Variants in TRAM2 observed in about 807,000 individuals in gnomAD.
TRAM2 encodes the protein translocation associated membrane protein 2, also known as translocating chain-associated membrane protein 2.
Under a neutral mutation model 51.0 loss-of-function variants are expected in TRAM2, and 12 were observed. The observed-to-expected ratio is 0.24, with a 90% confidence interval of 0.15 to 0.38. The LOEUF (loss-of-function observed/expected upper bound fraction) is 0.38. Ranked by LOEUF, TRAM2 falls within the 10% of genes least tolerant of loss-of-function variation. The pLI is 1.00. For synonymous variants in TRAM2, 175 were observed against 179.4 expected (o/e 0.98, Z 0.20); for missense variants, 361 against 462.0 (o/e 0.78, Z 2.00).
intron 1 of TRAM2, among the ~76,000 whole-genome samples, chr6:52,542,291 TTTAGCC>T: frequency 6.6e-6 from 1 of 151,756 alleles, no homozygotes; most frequent in African/African-American, 2.4e-5. Flanking sequence ...AAAATAGTCT[TTTAGCC>T]TTTTTTCCTG....
chr6:52,535,971 A>T, intron 1 of TRAM2, 125 bp from the exon 2 acceptor site: 2 of 704,372 alleles, frequency 2.8e-6, no homozygotes, highest in Non-Finnish European at 2.4e-6. Flanking sequence ...GGTTCTGCCT[A>T]ATGCAGAGTT....
intron 1 of TRAM2, among the ~76,000 whole-genome samples, chr6:52,555,709 A>G (rs913023098): frequency 2.0e-5 from 3 of 152,238 alleles, no homozygotes; most frequent in African/African-American, 7.2e-5. Flanking sequence ...ACTGGTAGGC[A>G]TTTAGGACAA....
intron 1 of TRAM2, among the ~76,000 whole-genome samples, chr6:52,564,109 T>G (rs1249214295): frequency 6.6e-6 from 1 of 152,096 alleles, no homozygotes. Flanking sequence ...TGTGTGTGCA[T>G]GGGACCATAC....
chr6:52,507,091 C>T (rs1305180285), intron 7 of TRAM2, among the ~76,000 whole-genome samples: 3 of 152,192 alleles, frequency 2.0e-5, no homozygotes, highest in Non-Finnish European at 4.4e-5. Context: ...CTAGAACAAC[C>T]AAGAGAGACC....
intron 1 of TRAM2, among the ~76,000 whole-genome samples, chr6:52,560,947 G>A (rs1270282267): frequency 1.3e-5 from 2 of 152,160 alleles, no homozygotes; most frequent in Non-Finnish European, 2.9e-5. Context: ...TTGCACACGC[G>A]TGTTCAGAGC....
intron 2 of TRAM2, among the ~76,000 whole-genome samples, chr6:52,534,568 C>T (rs2114085651): frequency 1.3e-5 from 2 of 152,276 alleles, no homozygotes; most frequent in Non-Finnish European, 2.9e-5. Context: ...GAGGGCTGGA[C>T]TCAGCCTTCA....
At chr6:52,557,399 G>GC (rs1767429318) in intron 1 of TRAM2, among the ~76,000 whole-genome samples, 1 of 152,162 alleles carries the variant, frequency 6.6e-6, no homozygotes, top group Non-Finnish European at 1.5e-5. Flanking sequence ...TGCCATGCAT[G>GC]CATTATTCAC....
rs771002999 is a variant in TRAM2 at position 52,505,642 on chromosome 6, C to A, written c.832G>T (p.Ala278Ser). The change falls in exon 9 of 11, where the codon GCA (alanine) becomes TCA (serine). Residue 278 changes from alanine (A) to serine (S), a missense_variant. Ala to Ser is a moderately conservative substitution (Grantham distance 99, BLOSUM62 1). Transcript: ENST00000182527. ...GFGLARMENQ[A>S]FDPEKGNFNT... ...AAGTTCCCTTTCTCGGGATCAAATG[C>A]CTGGTTTTCCATGCGAGCCAGTCCA... 6.2e-7 allele frequency: 1 copy of A among 1,613,502 alleles called. No homozygotes were observed. The highest frequency in any genetic ancestry group is 2.2e-5 in the East Asian group (1 of 44,862).
At chr6:52,530,403 T>C (rs144156342) in intron 2 of TRAM2, among the ~76,000 whole-genome samples, 1 of 152,320 alleles carries the variant, frequency 6.6e-6, no homozygotes, top group East Asian at 1.9e-4. Flanking sequence ...TAGCTGGTGT[T>C]GTGAGCTAAA....
chr6:52,502,206 C>T lies in TRAM2; in HGVS notation c.*991G>A, dbSNP rs932119080. The T allele has an allele frequency of 7.9e-5, 12 of 152,276 alleles. No homozygotes were observed. Among genetic ancestry groups the T allele is most frequent in the Admixed American group, 7.2e-4 (11 of 15,286 alleles). The allele number at this position is 152,276 out of a possible 1,614,324, so 9.4% of individuals were successfully genotyped here. A position where few individuals can be genotyped will look rare whatever the true frequency, so the allele number is the denominator to read the frequency against. On this transcript the variant is annotated 3_prime_UTR_variant, in exon 11 of 11. Coordinates refer to ENST00000182527, the MANE Select transcript of TRAM2 (RefSeq NM_012288.4). Reference sequence around the variant, plus strand: ...ATGAAGTCAAGGTAGTAAGTTTGGCCCCTGACGGGGCTGGCTGGCTCTGGA... The same window carrying T: ...ATGAAGTCAAGGTAGTAAGTTTGGCTCCTGACGGGGCTGGCTGGCTCTGGA...
At chr6:52,530,300 T>C (rs1766864128) in intron 2 of TRAM2, among the ~76,000 whole-genome samples, 2 of 152,206 alleles carry the variant, frequency 1.3e-5, no homozygotes, top group Admixed American at 1.3e-4. Flanking sequence ...CCAGGATGCA[T>C]AAGATGCATC....
At chr6:52,563,406 T>C in intron 1 of TRAM2, among the ~76,000 whole-genome samples, 1 of 151,932 alleles carries the variant, frequency 6.6e-6, no homozygotes, top group East Asian at 1.9e-4. Context: ...ACAAGACAAA[T>C]ACATAAAAGC....
At chr6:52,554,253 G>A (rs955792598) in intron 1 of TRAM2, among the ~76,000 whole-genome samples, 1 of 152,086 alleles carries the variant, frequency 6.6e-6, no homozygotes, top group Non-Finnish European at 1.5e-5. Context: ...GGCCAGGCGC[G>A]GTGACTCCCA....
chr6:52,505,970 G>T, intron 8 of TRAM2, 62 bp downstream of exon 8: 2 of 1,568,906 alleles, frequency 1.3e-6, no homozygotes, highest in Middle Eastern at 1.7e-4. Flanking sequence ...CCAACCATCC[G>T]GGCCTCGGGG....
intron 1 of TRAM2, among the ~76,000 whole-genome samples, chr6:52,564,674 A>G (rs1023118821): frequency 5.3e-5 from 8 of 150,122 alleles, no homozygotes; most frequent in Admixed American, 2.6e-4. Context: ...CCACTCCCTA[A>G]GGACTCTCAA....
chr6:52,525,286 C>G (rs1215056882), intron 2 of TRAM2, among the ~76,000 whole-genome samples: 1 of 152,210 alleles, frequency 6.6e-6, no homozygotes, highest in Non-Finnish European at 1.5e-5. Context: ...GCCCCACTCC[C>G]CCAGGTGGCA....
chr6:52,570,700 T>C (rs1417810453), intron 1 of TRAM2, among the ~76,000 whole-genome samples: 1 of 151,840 alleles, frequency 6.6e-6, no homozygotes, highest in East Asian at 1.9e-4. Flanking sequence ...CAACGTGGCT[T>C]GGTGGAGAGC....
At chr6:52,552,643 C>T (rs1266322625) in intron 1 of TRAM2, among the ~76,000 whole-genome samples, 1 of 152,176 alleles carries the variant, frequency 6.6e-6, no homozygotes, top group African/African-American at 2.4e-5. Context: ...CACTTCCAGG[C>T]TCCCAGTGCA....
intron 1 of TRAM2, among the ~76,000 whole-genome samples, chr6:52,562,056 T>C (rs1224850194): frequency 6.6e-6 from 1 of 151,472 alleles, no homozygotes; most frequent in Non-Finnish European, 1.5e-5. Context: ...TCATGGTACA[T>C]GAATTCTATC....
Sources: gnomAD v4.1 joint callset for allele counts (sites outside exome capture counted in the v4.1 genomes callset) on GRCh38, gnomAD v4.1.1 for gene constraint, MANE v1.5 for transcripts, NCBI Gene and HGNC (gene_info 2026-07-23, HGNC 2026-07-21) for gene names.